MTHFD1: variants seen among roughly 807,000 people sequenced by gnomAD.
MTHFD1 encodes methylenetetrahydrofolate dehydrogenase, cyclohydrolase and formyltetrahydrofolate synthetase 1, also known as C-1-tetrahydrofolate synthase, cytoplasmic.
A neutral mutation model predicts 110.3 loss-of-function variants in MTHFD1; 44 were observed. That is an observed-to-expected ratio of 0.40 (90% CI 0.31 to 0.51). MTHFD1 has a LOEUF of 0.51. MTHFD1 is among the 20% of genes least tolerant of loss of function. MTHFD1 has a pLI of 0.60. For missense variants in MTHFD1, 909 were observed against 1,173.1 expected, an observed-to-expected ratio of 0.77 and a Z score of 3.29; for synonymous variants, 402 against 428.8, an observed-to-expected ratio of 0.94 and a Z score of 0.77.
intron 24 of MTHFD1, 38 bp downstream of exon 24, chr14:64,449,660 GA>G: frequency 6.2e-7 from 1 of 1,607,702 alleles, no homozygotes. Context: ...GAAAAAAGAC[GA>G]AAAGGGCACA....
chr14:64,453,859 C>G lies in MTHFD1; in HGVS notation c.2563C>G (p.Gln855Glu), dbSNP rs761962603. 6.3e-7 allele frequency: 1 copy of G among 1,589,372 alleles called. No homozygotes were observed. The highest frequency in any genetic ancestry group is 1.1e-5 in the South Asian group (1 of 90,570). ...ACACAAAGCTGAAGTCTACACGAAGCAGGTAGATGTTTGGTTAGTTTGTCC... is the reference window on the plus strand; with the variant it reads ...ACACAAAGCTGAAGTCTACACGAAGGAGGTAGATGTTTGGTTAGTTTGTCC... ...AQHKAEVYTK[Q>E]GFGNLPICMA... Residue 855 changes from glutamine to glutamate, a missense_variant and splice_region_variant, in exon 25 of 28, where the codon CAG (glutamine) becomes GAG (glutamate). Around this residue, in one of 3 missense-constraint regions of MTHFD1, gnomAD observed 482 missense variants for 646.0 expected, o/e 0.75. Coordinates refer to ENST00000652337, the MANE Select transcript of MTHFD1 (RefSeq NM_005956.4).
In MTHFD1 at chr14:64,417,389, G is replaced by T. The variant is rs1265543691; in HGVS notation, c.479-499G>T. 2.0e-5 allele frequency among the ~76,000 whole-genome samples: 3 copies of T among 152,188 alleles called. No homozygotes were observed. Among genetic ancestry groups the T allele is most frequent in the Admixed American group, 6.5e-5 (1 of 15,286 alleles). The stretch of plus-strand genomic sequence containing the variant: ...ATCACTTCCCTGCAAGTAACCCTAT[G>T]GCTCAGGCCCTAAGCCAAAAGAGAA... On this transcript the variant is annotated intron_variant, in intron 6 of 27. Coordinates refer to ENST00000652337, the MANE Select transcript of MTHFD1 (RefSeq NM_005956.4). This position sits in a 1 kb window ranked among gnomAD's most constrained non-coding sequence, Gnocchi z 4.4.
chr14:64,398,583 A>G (rs1033291812), intron 1 of MTHFD1, among the ~76,000 whole-genome samples: 1 of 152,184 alleles, frequency 6.6e-6, no homozygotes, highest in Non-Finnish European at 1.5e-5. Context: ...CAAAATAAAT[A>G]AAATTTGAAA....
At chr14:64,411,357 T>C (rs1218477064) in intron 3 of MTHFD1, among the ~76,000 whole-genome samples, 1 of 152,244 alleles carries the variant, frequency 6.6e-6, no homozygotes, top group Non-Finnish European at 1.5e-5. Context: ...AATGATTTTC[T>C]TCCCAAAGAG....
At chr14:64,400,960 C>G in intron 2 of MTHFD1, 83 bp downstream of exon 2, 1 of 1,017,546 alleles carries the variant, frequency 9.8e-7, no homozygotes, top group Non-Finnish European at 1.5e-6. Context: ...TACTTTCCTC[C>G]TTTTTTTTTG....
chr14:64,397,163 ATATATATATATATATATATATATATAT>A (rs2140943268), intron 1 of MTHFD1, among the ~76,000 whole-genome samples: 1 of 19,630 alleles, frequency 5.1e-5, no homozygotes, highest in African/African-American at 2.9e-4. Flanking sequence ...ATATATATAT[ATATATATATATATATATATATATATAT>A]AAAAAACAGT....
intron 18 of MTHFD1, chr14:64,441,159 T>A: frequency 2.0e-6 from 1 of 501,596 alleles, no homozygotes. Context: ...ACCACTGCAC[T>A]CCAGCCTGGG....
At chr14:64,393,693 G>A (rs867832359) in intron 1 of MTHFD1, among the ~76,000 whole-genome samples, 2 of 152,222 alleles carry the variant, frequency 1.3e-5, no homozygotes, top group African/African-American at 4.8e-5. Context: ...TCCATCAGGG[G>A]AGTTGGGATC....
Position 64,417,248 on chromosome 14 carries a change from G to A in MTHFD1, c.479-640G>A, listed in dbSNP as rs2078031831. Among the ~76,000 whole-genome samples the A allele has an allele frequency of 6.6e-6, 1 of 152,216 alleles. No individual in the cohort carries two copies. Among genetic ancestry groups the A allele is most frequent in the East Asian group, 1.9e-4 (1 of 5,204 alleles). On this transcript the variant is annotated intron_variant, in intron 6 of 27. Coordinates refer to ENST00000652337, the MANE Select transcript of MTHFD1 (RefSeq NM_005956.4). This position sits in a 1 kb window ranked among gnomAD's most constrained non-coding sequence, Gnocchi z 4.4. ...CTGTCCACTACTGGGTACTCACTCA[G>A]GCTGTCTTTAGTAGAGTATGAGTCA...
intron 3 of MTHFD1, 91 bp downstream of exon 3, chr14:64,411,240 A>G (rs2077981167): frequency 5.6e-6 from 5 of 900,388 alleles, no homozygotes; most frequent in Non-Finnish European, 9.2e-6. Context: ...TCCCTGTGAA[A>G]ACTTTTATCA....
At chr14:64,413,914 C>T (rs2078004760) in intron 4 of MTHFD1, among the ~76,000 whole-genome samples, 1 of 152,200 alleles carries the variant, frequency 6.6e-6, no homozygotes. Flanking sequence ...ATTGTAGCCT[C>T]AACCTCCTAA....
At chr14:64,423,468 C>T (rs746178675) in intron 8 of MTHFD1, among the ~76,000 whole-genome samples, 1 of 151,252 alleles carries the variant, frequency 6.6e-6, no homozygotes, top group East Asian at 1.9e-4. Context: ...GTGGAATGCT[C>T]ACTGCAGCCT....
chr14:64,390,533 G>C (rs563232688), intron 1 of MTHFD1: 22 of 152,446 alleles, frequency 1.4e-4, no homozygotes, highest in African/African-American at 5.3e-4. Context: ...GCCCAGACTG[G>C]AGTACAATGG....
At chr14:64,403,480 C>T (rs1321218348) in intron 2 of MTHFD1, among the ~76,000 whole-genome samples, 2 of 152,120 alleles carry the variant, frequency 1.3e-5, no homozygotes, top group African/African-American at 4.8e-5. Context: ...TTTGGCCAGG[C>T]TGGTCTCGAA....
Position 64,441,372 on chromosome 14 carries a change from A to T in MTHFD1, c.1816-13A>T, listed in dbSNP as rs759660045. Reference sequence around the variant, plus strand: ...GCTGGTGGGAGTTGATGCTGCACACATTTGTTTTGTAGGGGGTGAGTGGTG... The same window carrying T: ...GCTGGTGGGAGTTGATGCTGCACACTTTTGTTTTGTAGGGGGTGAGTGGTG... On this transcript the variant is annotated splice_polypyrimidine_tract_variant and intron_variant, in intron 18 of 27. Coordinates refer to ENST00000652337, the MANE Select transcript of MTHFD1 (RefSeq NM_005956.4). 6.2e-7 allele frequency: 1 copy of T among 1,613,724 alleles called. No homozygotes were observed. The highest frequency in any genetic ancestry group is 1.3e-5 in the African/African-American group (1 of 74,888).
Position 64,412,610 on chromosome 14 carries a change from C to T in MTHFD1, c.240+85C>T, listed in dbSNP as rs551419090. On this transcript the variant is annotated intron_variant, in intron 4 of 27. Coordinates refer to ENST00000652337, the MANE Select transcript of MTHFD1 (RefSeq NM_005956.4). ...GGTTTACGGGGGCTTTGGGGACTGA[C>T]ACATTTAGCCAAGACCTCCAGGTAT... 30 of 910,038 alleles carry T rather than the reference C, an allele frequency of 3.3e-5. No individual in the cohort carries two copies. The African/African-American group carries it at 5.0e-4, about 15-fold the overall frequency. The allele number at this position is 910,038 out of a possible 1,614,324, so 56.4% of individuals were successfully genotyped here. A position where few individuals can be genotyped will look rare whatever the true frequency, so the allele number is the denominator to read the frequency against.
intron 21 of MTHFD1, among the ~76,000 whole-genome samples, chr14:64,444,377 C>T (rs1424832713): frequency 5.1e-4 from 78 of 152,056 alleles, no homozygotes; most frequent in Admixed American, 5.1e-3. Context: ...TGACTTCCAA[C>T]CCCACTGCTA....
chr14:64,404,838 G>A (rs1429706351), intron 2 of MTHFD1, among the ~76,000 whole-genome samples: 1 of 152,058 alleles, frequency 6.6e-6, no homozygotes, highest in Non-Finnish European at 1.5e-5. Flanking sequence ...AGGTGTGGTG[G>A]TGCACACCTG....
chr14:64,435,551 A>T lies in MTHFD1; in HGVS notation c.1495-18A>T. On this transcript the variant is annotated intron_variant, in intron 15 of 27. Transcript: ENST00000652337. The stretch of plus-strand genomic sequence containing the variant: ...TCTGTTTGTCTTATTTTATGTTTTC[A>T]TTTTCCTACACTTTCAGAGACTAGG... 1 of 1,509,002 alleles carries T rather than the reference A, an allele frequency of 6.6e-7. No homozygotes were observed. The allele number at this position is 1,509,002 out of a possible 1,614,324, so 93.5% of individuals were successfully genotyped here.
Sources: allele counts gnomAD v4.1 joint callset (sites outside exome capture counted in the v4.1 genomes callset), GRCh38; gene constraint gnomAD v4.1.1; regional missense constraint gnomAD v4.1.1; non-coding constraint Gnocchi (gnomAD v3.1); transcripts MANE v1.5; gene names NCBI Gene and HGNC (gene_info 2026-07-23, HGNC 2026-07-21).